Variants in FBN2 observed in about 807,000 individuals in gnomAD.
FBN2 encodes fibrillin-2.
FBN2 carries 105 observed loss-of-function variants against 355.6 expected under a neutral mutation model. The observed-to-expected ratio is 0.30, with a 90% confidence interval of 0.25 to 0.35. The LOEUF (loss-of-function observed/expected upper bound fraction) is 0.35, where lower values mean the gene tolerates loss of function less well. Among genes scored for constraint, FBN2 ranks in the 10% least tolerant of loss-of-function variants. FBN2 has a pLI of 1.00. For missense variants in FBN2, 3,280 were observed against 3,758.7 expected (o/e 0.87, Z 3.33); for synonymous variants, 1,350 against 1,301.2 (o/e 1.04, Z -0.81).
At chr5:128,350,596 C>A (rs1751327407) in intron 21 of FBN2, among the ~76,000 whole-genome samples, 1 of 152,138 alleles carries the variant, frequency 6.6e-6, no homozygotes, top group Admixed American at 6.5e-5. Context: ...AGCCACCACG[C>A]AAACAAGGAT....
At chr5:128,265,943 T>C (rs1453698164) in intron 62 of FBN2, among the ~76,000 whole-genome samples, 1 of 152,252 alleles carries the variant, frequency 6.6e-6, no homozygotes, top group Non-Finnish European at 1.5e-5. Flanking sequence ...GGGGGAAATC[T>C]GTCTGAAATG....
chr5:128,266,053 G>T (rs1483271813), intron 62 of FBN2, among the ~76,000 whole-genome samples: 4 of 152,170 alleles, frequency 2.6e-5, no homozygotes, highest in African/African-American at 4.8e-5. Flanking sequence ...TTTGCGTTTT[G>T]TCCTAATTCT....
chr5:128,264,867 T>A (rs1044135947), intron 62 of FBN2, among the ~76,000 whole-genome samples: 1 of 152,150 alleles, frequency 6.6e-6, no homozygotes, highest in Non-Finnish European at 1.5e-5. Context: ...GGGCTCTCAG[T>A]GAAGAGGCCT....
chr5:128,311,209 G>T, intron 39 of FBN2, 91 bp downstream of exon 39: 5 of 1,345,676 alleles, frequency 3.7e-6, no homozygotes, highest in Non-Finnish European at 4.2e-6. Flanking sequence ...TGAGCCTTTT[G>T]TAGAATGTGA....
At chr5:128,330,842 C>T in intron 32 of FBN2, 147 bp from the exon 33 acceptor site, 1 of 901,872 alleles carries the variant, frequency 1.1e-6, no homozygotes, top group South Asian at 1.5e-5. Flanking sequence ...GCTAAGCTCT[C>T]AGACCCAATG....
At chr5:128,387,100 T>C (rs1196329120) in intron 11 of FBN2, among the ~76,000 whole-genome samples, 1 of 152,176 alleles carries the variant, frequency 6.6e-6, no homozygotes, top group Non-Finnish European at 1.5e-5. Flanking sequence ...AGGCTTTTCA[T>C]TACAGATTCA....
At chr5:128,395,411 T>C in intron 8 of FBN2, 137 bp from the exon 9 acceptor site, 1 of 949,002 alleles carries the variant, frequency 1.1e-6, no homozygotes, top group Non-Finnish European at 1.6e-6. Flanking sequence ...CTTCACTCTC[T>C]TAATATCTCA....
intron 61 of FBN2, 136 bp from the exon 62 acceptor site, chr5:128,272,254 C>A: frequency 1.0e-6 from 1 of 1,000,578 alleles, no homozygotes; most frequent in Admixed American, 2.0e-5. Context: ...GAGAGGCTGT[C>A]ATTTTTCCAG....
chr5:128,289,835 C>T (rs755642744), intron 51 of FBN2, 47 bp downstream of exon 51: 14 of 1,040,930 alleles, frequency 1.3e-5, no homozygotes, highest in East Asian at 1.0e-4. Context: ...TAAAATAATA[C>T]GTGTGTATTA....
intron 12 of FBN2, 111 bp downstream of exon 12, chr5:128,378,660 T>C: frequency 8.5e-7 from 1 of 1,171,360 alleles, no homozygotes; most frequent in Admixed American, 1.8e-5. Context: ...AAATCTGTAA[T>C]AATGTAACAC....
At chr5:128,274,232 T>C (rs554656084) in intron 60 of FBN2, among the ~76,000 whole-genome samples, 2 of 152,166 alleles carry the variant, frequency 1.3e-5, no homozygotes, top group African/African-American at 2.4e-5. Context: ...TCTTCTAAAA[T>C]AAAAGCTCAA....
Position 128,263,458 on chromosome 5 carries a change from C to T in FBN2, c.8159G>A (p.Gly2720Asp), listed in dbSNP as rs370030110. ...CSNTEGGYLC[G>D]CPPGYYRVGQ... Reference sequence around the variant, plus strand: ...CACTCTGTAATACCCAGGGGGGCAGCCACAGAGGTAGCCCCCCTCCGTGTT... The same window carrying T: ...CACTCTGTAATACCCAGGGGGGCAGTCACAGAGGTAGCCCCCCTCCGTGTT... The change falls in exon 63 of 65, where the codon GGC (glycine) becomes GAC (aspartate). Residue 2720 changes from glycine (G) to aspartate (D), a missense_variant. This residue lies in a region of FBN2 where 311 missense variants were observed against 319.1 expected (regional missense o/e 0.97). Transcript: ENST00000262464. The T allele has an allele frequency of 1.2e-6, 2 of 1,613,866 alleles. No homozygotes were observed. The highest frequency in any genetic ancestry group is 1.7e-6 in the Non-Finnish European group (2 of 1,179,876).
chr5:128,395,418 C>G, intron 8 of FBN2, 144 bp from the exon 9 acceptor site: 2 of 911,856 alleles, frequency 2.2e-6, no homozygotes, highest in Non-Finnish European at 3.4e-6. Flanking sequence ...CTCTTAATAT[C>G]TCAGACATTC....
chr5:128,311,999 T>C, intron 37 of FBN2, 46 bp from the exon 38 acceptor site: 2 of 1,326,448 alleles, frequency 1.5e-6, no homozygotes, highest in Non-Finnish European at 2.2e-6. Flanking sequence ...TGTGTCCAAG[T>C]GGCTGAGACA....
intron 6 of FBN2, among the ~76,000 whole-genome samples, chr5:128,454,933 C>T (rs1754343375): frequency 6.6e-6 from 1 of 152,142 alleles, no homozygotes; most frequent in Non-Finnish European, 1.5e-5. Flanking sequence ...TCTGCTATAC[C>T]TTCAGTTTTG....
intron 24 of FBN2, 49 bp downstream of exon 24, chr5:128,345,308 G>T: frequency 7.1e-7 from 1 of 1,404,034 alleles, no homozygotes; most frequent in Non-Finnish European, 1.0e-6. Flanking sequence ...GAATGTGGAA[G>T]GCTTCCTGTT....
At chr5:128,376,285 G>C (rs1210801161) in intron 14 of FBN2, among the ~76,000 whole-genome samples, 2 of 152,114 alleles carry the variant, frequency 1.3e-5, no homozygotes, top group Non-Finnish European at 1.5e-5. Context: ...AAGGTTTTTA[G>C]ATAATGACAC....
chr5:128,318,228 T>C lies in FBN2; in HGVS notation c.4638A>G (p.Leu1546=), dbSNP rs776594783. The C allele has an allele frequency of 1.2e-6, 2 of 1,613,868 alleles. No individual in the cohort carries two copies. The highest frequency in any genetic ancestry group is 8.5e-7 in the Non-Finnish European group (1 of 1,179,866). The change falls in exon 36 of 65, where the codon CTA becomes CTG. Residue 1546 remains leucine, a synonymous_variant. Coordinates refer to ENST00000262464, the MANE Select transcript of FBN2 (RefSeq NM_001999.4). ...CATAGCGACCAGGCGTGTTGACACA[T>C]AGGCCATTGACACAGTTTATAGGAT... ...CADPINCVNG[L]CVNTPGRYEC...
At chr5:128,282,452 T>C (rs1294717201) in intron 55 of FBN2, among the ~76,000 whole-genome samples, 1 of 151,902 alleles carries the variant, frequency 6.6e-6, no homozygotes, top group Non-Finnish European at 1.5e-5. Flanking sequence ...GTCTGAATTA[T>C]TTTTTTTCAA....
Sources: gnomAD v4.1 joint callset for allele counts (sites outside exome capture counted in the v4.1 genomes callset) on GRCh38, gnomAD v4.1.1 for gene constraint, gnomAD v4.1.1 regional missense constraint, MANE v1.5 for transcripts, NCBI Gene and HGNC (gene_info 2026-07-23, HGNC 2026-07-21) for gene names.